MTHFD1: variants seen among roughly 807,000 people sequenced by gnomAD.
MTHFD1 encodes methylenetetrahydrofolate dehydrogenase, cyclohydrolase and formyltetrahydrofolate synthetase 1, also known as C-1-tetrahydrofolate synthase, cytoplasmic.
A neutral mutation model predicts 110.3 loss-of-function variants in MTHFD1; 44 were observed. The observed-to-expected ratio is 0.40, with a 90% confidence interval of 0.31 to 0.51. The LOEUF is 0.51. MTHFD1 is among the 20% of genes least tolerant of loss of function. The pLI, the probability that MTHFD1 is intolerant of heterozygous loss-of-function variation, is 0.60. For synonymous variants in MTHFD1, 402 were observed against 428.8 expected (o/e 0.94, Z 0.77); for missense variants, 909 against 1,173.1 (o/e 0.77, Z 3.29).
chr14:64,450,298 A>G (rs2078349885), intron 24 of MTHFD1, among the ~76,000 whole-genome samples: 1 of 152,232 alleles, frequency 6.6e-6, no homozygotes, highest in Admixed American at 6.5e-5. Flanking sequence ...CAGATTGGTA[A>G]GGGGCTGCAT....
chr14:64,436,250 A>G lies in MTHFD1; in HGVS notation c.1597+579A>G, dbSNP rs534986042. Among the ~76,000 whole-genome samples the G allele has an allele frequency of 2.6e-5, 4 of 152,166 alleles. No homozygotes were observed. In the East Asian group the frequency reaches 7.8e-4, roughly 30 times the overall value. On this transcript the variant is annotated intron_variant, in intron 16 of 27. Coordinates refer to ENST00000652337, the MANE Select transcript of MTHFD1 (RefSeq NM_005956.4). ...ACTGGGACTACAGGCACCCGCCATC[A>G]TGCCCGGCTAATTTTTTGTATTTTT...
rs139568503 is a variant in MTHFD1, at chr14:64,400,537, T to C, written c.42-256T>C. 9.5e-3 allele frequency among the ~76,000 whole-genome samples: 1,444 copies of C among 151,968 alleles called. 17 individuals carry two copies. Among genetic ancestry groups the C allele is most frequent in the African/African-American group, 0.033 (1,368 of 41,454 alleles). On this transcript the variant is annotated intron_variant, in intron 1 of 27. Coordinates refer to ENST00000652337, the MANE Select transcript of MTHFD1 (RefSeq NM_005956.4). Reference sequence around the variant, plus strand: ...CCCATCTCTACCAAAAGTACAAAAATTAGCCAGGTGTGGTGGCACAGACCT... The same window carrying C: ...CCCATCTCTACCAAAAGTACAAAAACTAGCCAGGTGTGGTGGCACAGACCT...
chr14:64,417,802 TGC>T lies in MTHFD1; in HGVS notation c.479-85_479-84del, dbSNP rs1210331251. The T allele has an allele frequency of 1.3e-5, 20 of 1,547,312 alleles. No individual in the cohort carries two copies. Among genetic ancestry groups the T allele is most frequent in the Non-Finnish European group, 1.6e-5 (18 of 1,123,696 alleles). On this transcript the variant is annotated intron_variant, in intron 6 of 27. Transcript: ENST00000652337. The surrounding 1 kb of genome is among the most constrained non-coding windows in gnomAD (Gnocchi z 4.4). ...GTTTGATGTTAAGAACCTGTTTTTG[TGC>T]ACTTATTCTAATTTCTCCACGTGGC...
intron 4 of MTHFD1, 98 bp downstream of exon 4, chr14:64,412,623 G>T: frequency 6.6e-6 from 5 of 753,340 alleles, no homozygotes; most frequent in Non-Finnish European, 1.1e-5. Flanking sequence ...ATTTAGCCAA[G>T]ACCTCCAGGT....
At position 64,460,017 on chromosome 14, in the gene MTHFD1, C is replaced by A; in HGVS notation, c.*263C>A. The A allele has an allele frequency of 2.6e-6, 3 of 1,172,678 alleles. No homozygotes were observed. The highest frequency in any genetic ancestry group is 1.5e-5 in the African/African-American group (1 of 65,174). The allele number at this position is 1,172,678 out of a possible 1,614,324, so 72.6% of individuals were successfully genotyped here. ...AAACAAGTTTGCCATCTTGGTGTTG[C>A]AATATGAATTACAGCCTTAACAGAC... On this transcript the variant is annotated 3_prime_UTR_variant, in exon 28 of 28. Coordinates refer to ENST00000652337, the MANE Select transcript of MTHFD1 (RefSeq NM_005956.4).
chr14:64,426,270 A>G, intron 11 of MTHFD1, 78 bp downstream of exon 11: 2 of 1,512,664 alleles, frequency 1.3e-6, no homozygotes, highest in Non-Finnish European at 1.8e-6. Flanking sequence ...CACTTGGCAC[A>G]TGTATGTAGA....
At chr14:64,447,454 C>CT (rs34013579) in intron 22 of MTHFD1, among the ~76,000 whole-genome samples, 10,437 of 126,996 alleles carry the variant, frequency 0.082, 1,020 homozygotes, top group African/African-American at 0.23. Flanking sequence ...AGGTCCGGCC[C>CT]TTTTTTTTTT....
At chr14:64,418,118 C>A in intron 7 of MTHFD1, 94 bp downstream of exon 7, 4 of 1,457,776 alleles carry the variant, frequency 2.7e-6, no homozygotes, top group Non-Finnish European at 3.8e-6. Context: ...CCTCATTTAA[C>A]CCCATCATCT....
chr14:64,411,522 G>T (rs1159233973), intron 3 of MTHFD1, among the ~76,000 whole-genome samples: 1 of 152,214 alleles, frequency 6.6e-6, no homozygotes, highest in Non-Finnish European at 1.5e-5. Context: ...TTATTGAAAA[G>T]TACACGTTTT....
chr14:64,388,540 C>A (rs1478166875), intron 1 of MTHFD1, 72 bp downstream of exon 1: 1 of 1,450,598 alleles, frequency 6.9e-7, no homozygotes, highest in Non-Finnish European at 9.7e-7. Context: ...GTCCCCCGGA[C>A]CCATTTTTTG....
At chr14:64,443,701 C>CT (rs1267491850) in intron 21 of MTHFD1, among the ~76,000 whole-genome samples, 2 of 152,098 alleles carry the variant, frequency 1.3e-5, no homozygotes, top group East Asian at 1.9e-4. Flanking sequence ...GATAGACTCC[C>CT]TTTTTTTTCC....
intron 2 of MTHFD1, among the ~76,000 whole-genome samples, chr14:64,409,665 C>T (rs528325617): frequency 2.6e-5 from 4 of 151,910 alleles, no homozygotes; most frequent in African/African-American, 4.8e-5. Flanking sequence ...GAAGCCCCTA[C>T]GAGAAGCATC....
intron 18 of MTHFD1, chr14:64,441,035 C>A: frequency 2.9e-6 from 1 of 343,738 alleles, no homozygotes; most frequent in South Asian, 2.4e-5. Context: ...ACTAAAAATA[C>A]AAAAAAATTA....
intron 15 of MTHFD1, among the ~76,000 whole-genome samples, chr14:64,434,949 C>CTTTTTTTTTTTTT (rs374039248): frequency 1.2e-5 from 1 of 80,824 alleles, no homozygotes; most frequent in African/African-American, 4.3e-5. Context: ...TCCCTCTTTT[C>CTTTTTTTTTTTTT]TTTTTTTTTT....
chr14:64,404,030 C>A (rs2077919938), intron 2 of MTHFD1, among the ~76,000 whole-genome samples: 1 of 152,094 alleles, frequency 6.6e-6, no homozygotes, highest in African/African-American at 2.4e-5. Context: ...TTTGCACCAT[C>A]GGTACAGACG....
intron 2 of MTHFD1, among the ~76,000 whole-genome samples, chr14:64,403,836 T>G (rs1294602197): frequency 6.6e-6 from 1 of 152,204 alleles, no homozygotes; most frequent in East Asian, 1.9e-4. Flanking sequence ...CATGAGCCAC[T>G]GTGCTCGGCC....
At chr14:64,400,257 G>A (rs547859809) in intron 1 of MTHFD1, among the ~76,000 whole-genome samples, 6 of 152,042 alleles carry the variant, frequency 3.9e-5, no homozygotes, top group Non-Finnish European at 7.4e-5. Context: ...GCTTGGTGGC[G>A]CATGCCTGTA....
At position 64,418,175 on chromosome 14, in the gene MTHFD1, G is replaced by C. The variant is rs533576586; in HGVS notation, c.615+151G>C. 3 of 1,005,408 alleles carry C rather than the reference G, an allele frequency of 3.0e-6. No homozygotes were observed. In the South Asian group the frequency reaches 4.3e-5, roughly 15 times the overall value. 62.3% of individuals were successfully genotyped at this position (1,005,408 alleles called of 1,614,324 possible). On this transcript the variant is annotated intron_variant, in intron 7 of 27. Transcript: ENST00000652337. ...CAAATTCAAATTAAAGGCTGAGTGG[G>C]GTGGCTGACACCTGTAGTCCCAACA...
At chr14:64,394,004 G>GT (rs929601030) in intron 1 of MTHFD1, among the ~76,000 whole-genome samples, 7 of 152,058 alleles carry the variant, frequency 4.6e-5, no homozygotes, top group African/African-American at 1.7e-4. Flanking sequence ...TTAAAAGAAT[G>GT]TAAGACTCTC....
Sources: gnomAD v4.1 joint callset for allele counts (sites outside exome capture counted in the v4.1 genomes callset) on GRCh38, gnomAD v4.1.1 for gene constraint, Gnocchi (gnomAD v3.1) non-coding constraint, MANE v1.5 for transcripts, NCBI Gene and HGNC (gene_info 2026-07-23, HGNC 2026-07-21) for gene names.